Variants in CTNND2 observed in about 807,000 individuals in gnomAD.
The protein encoded by CTNND2 is catenin delta 2, also known as catenin delta-2.
A neutral mutation model predicts 144.4 loss-of-function variants in CTNND2; 22 were observed. The observed-to-expected ratio is 0.15, with a 90% CI of 0.11 to 0.22. The LOEUF is 0.22. CTNND2 is among the 10% of genes least tolerant of loss of function. CTNND2 has a pLI of 1.00. For synonymous variants in CTNND2, 751 were observed against 695.6 expected (o/e 1.08, Z -1.25); for missense variants, 1,353 against 1,618.8 (o/e 0.84, Z 2.82).
rs1042757953 is a variant in CTNND2, at chr5:11,783,464, G to A, written c.38-51192C>T. The stretch of plus-strand genomic sequence containing the variant: ...GACCAAAGGCATCCTCAGTGGGTTG[G>A]TCTAGCCATGTATGTGCTTCCGCAT... On this transcript the variant is annotated intron_variant, in intron 1 of 21. Transcript: ENST00000304623. Among the ~76,000 whole-genome samples the A allele has an allele frequency of 4.6e-5, 7 of 152,248 alleles. No homozygotes were observed. In the East Asian group the frequency reaches 1.2e-3, roughly 25 times the overall value.
chr5:11,396,503 A>C (rs1454462229), intron 6 of CTNND2, among the ~76,000 whole-genome samples: 1 of 152,180 alleles, frequency 6.6e-6, no homozygotes, highest in African/African-American at 2.4e-5. Context: ...TGGAGGGCAA[A>C]TTTCAAAATC....
intron 1 of CTNND2, among the ~76,000 whole-genome samples, chr5:11,766,648 A>C (rs1789605525): frequency 6.6e-6 from 1 of 152,076 alleles, no homozygotes; most frequent in African/African-American, 2.4e-5. Context: ...GCAGCGTGAA[A>C]ACTAACTAAT....
chr5:11,329,304 G>A (rs762956284), intron 9 of CTNND2, among the ~76,000 whole-genome samples: 2 of 152,176 alleles, frequency 1.3e-5, no homozygotes, highest in Non-Finnish European at 2.9e-5. Context: ...ACAGGCATGC[G>A]CCACCACACG....
chr5:11,423,766 C>T (rs545010344), intron 3 of CTNND2, among the ~76,000 whole-genome samples: 59 of 152,182 alleles, frequency 3.9e-4, no homozygotes, highest in Non-Finnish European at 7.8e-4. Context: ...ATATCAAACC[C>T]TGAATATTGG....
At chr5:11,860,633 T>C (rs1223809636) in intron 1 of CTNND2, among the ~76,000 whole-genome samples, 1 of 152,236 alleles carries the variant, frequency 6.6e-6, no homozygotes, top group Non-Finnish European at 1.5e-5. Flanking sequence ...TTTATAAAAG[T>C]GCTATAATTT....
intron 17 of CTNND2, among the ~76,000 whole-genome samples, chr5:11,022,547 C>T (rs112671243): frequency 1.3e-4 from 20 of 152,302 alleles, no homozygotes; most frequent in African/African-American, 4.1e-4. Context: ...GAACTCGTGT[C>T]GCTGCCATGT....
At chr5:11,623,303 C>CT (rs1258397167) in intron 2 of CTNND2, among the ~76,000 whole-genome samples, 3 of 152,058 alleles carry the variant, frequency 2.0e-5, no homozygotes, top group Non-Finnish European at 2.9e-5. Context: ...ACGAGAGGGA[C>CT]TTGGTGGGAG....
rs143984104 is a variant in CTNND2 at position 11,747,696 on chromosome 5, A to C, written c.38-15424T>G. On this transcript the variant is annotated intron_variant, in intron 1 of 21. Transcript: ENST00000304623. ...ATTCCCTATTTAATCATAGATTTACATCATAAAATCTGGCAAAAAAACAAA... is the reference window on the plus strand; with the variant it reads ...ATTCCCTATTTAATCATAGATTTACCTCATAAAATCTGGCAAAAAAACAAA... Among the ~76,000 whole-genome samples, 1,361 of 152,286 alleles carry C rather than the reference A, an allele frequency of 8.9e-3. 8 individuals carry two copies. Among genetic ancestry groups the C allele is most frequent in the Non-Finnish European group, 0.015 (1,002 of 68,026 alleles).
chr5:11,803,193 G>C (rs1791791695), intron 1 of CTNND2, among the ~76,000 whole-genome samples: 1 of 152,208 alleles, frequency 6.6e-6, no homozygotes, highest in African/African-American at 2.4e-5. Flanking sequence ...GGTGGCGCGT[G>C]CCTGTAATCC....
chr5:11,602,548 C>T (rs973115942), intron 2 of CTNND2, among the ~76,000 whole-genome samples: 1 of 151,428 alleles, frequency 6.6e-6, no homozygotes, highest in Non-Finnish European at 1.5e-5. Context: ...ACACACTGAA[C>T]CACTGGGGGC....
intron 1 of CTNND2, among the ~76,000 whole-genome samples, chr5:11,811,480 T>C (rs1041301124): frequency 6.6e-6 from 1 of 152,138 alleles, no homozygotes; most frequent in African/African-American, 2.4e-5. Context: ...ATAAATCCAA[T>C]AGGCTAGTAT....
chr5:11,236,675 T>A lies in CTNND2; in HGVS notation c.1761+16A>T. On this transcript the variant is annotated intron_variant, in intron 10 of 21. Transcript: ENST00000304623. ...GAATCTGACACCAATCATTTCAGAA[T>A]CCAAGGAGCACTGACCTCGGCTTTA... is the stretch of plus-strand genomic sequence containing the variant. The A allele has an allele frequency of 6.2e-7, 1 of 1,613,562 alleles. No homozygotes were observed. Among genetic ancestry groups the A allele is most frequent in the Non-Finnish European group, 8.5e-7 (1 of 1,179,712 alleles).
chr5:11,774,351 G>A (rs981388464), intron 1 of CTNND2, among the ~76,000 whole-genome samples: 3 of 138,204 alleles, frequency 2.2e-5, no homozygotes, highest in African/African-American at 8.1e-5. Context: ...CTTAATCCAT[G>A]AGATCACATG....
chr5:11,692,890 C>G (rs974130395), intron 2 of CTNND2, among the ~76,000 whole-genome samples: 26 of 152,362 alleles, frequency 1.7e-4, no homozygotes, highest in African/African-American at 6.3e-4. Context: ...GCATGGGCCA[C>G]TGCACCCAGC....
intron 2 of CTNND2, among the ~76,000 whole-genome samples, chr5:11,725,700 G>A (rs118028199): frequency 0.014 from 2,089 of 152,134 alleles, 23 homozygotes; most frequent in East Asian, 0.057. Context: ...AAAAATATAT[G>A]ATTTAATTAT....
intron 3 of CTNND2, among the ~76,000 whole-genome samples, chr5:11,472,729 T>C (rs1383509855): frequency 6.6e-6 from 1 of 152,238 alleles, no homozygotes; most frequent in African/African-American, 2.4e-5. Context: ...AGAACTGATA[T>C]TGATTTTTAT....
chr5:11,129,349 C>T (rs1313008501), intron 12 of CTNND2, among the ~76,000 whole-genome samples: 2 of 98,964 alleles, frequency 2.0e-5, no homozygotes, highest in African/African-American at 1.0e-4. Flanking sequence ...CAAAATTCTT[C>T]CTCGGAGCAT....
intron 3 of CTNND2, among the ~76,000 whole-genome samples, chr5:11,447,169 C>A (rs1377450005): frequency 6.6e-6 from 1 of 152,070 alleles, no homozygotes; most frequent in African/African-American, 2.4e-5. Context: ...CATGGTGAAA[C>A]CCCATCTCTA....
At chr5:11,098,798 C>T (rs1238838301) in intron 14 of CTNND2, 50 bp from the exon 15 acceptor site, 3 of 1,570,560 alleles carry the variant, frequency 1.9e-6, no homozygotes, top group Admixed American at 1.7e-5. Context: ...CTTTATGCTT[C>T]CCAACTTTGC....
Sources: allele counts gnomAD v4.1 joint callset (sites outside exome capture counted in the v4.1 genomes callset), GRCh38; gene constraint gnomAD v4.1.1; transcripts MANE v1.5; gene names NCBI Gene and HGNC (gene_info 2026-07-23, HGNC 2026-07-21).